TMEM200C: variants seen among roughly 807,000 people sequenced by gnomAD.
TMEM200C encodes the protein transmembrane protein TTMA.
For missense variants in TMEM200C, 966 were observed against 699.9 expected (o/e 1.38, Z -4.29); for synonymous variants, 462 against 324.7 (o/e 1.42, Z -4.55).
At chr18:5,895,164 A>G (rs9989556) in exon 2 of TMEM200C, 113,729 of 151,996 alleles carry the variant, frequency 0.75, 43,617 homozygotes, top group African/African-American at 0.92. Flanking sequence ...TCCGAGCGCG[A>G]CTCAGCAGCC....
rs754206113 is a variant in TMEM200C, at chr18:5,891,991, G to T, written c.73C>A (p.Pro25Thr). 1.1e-5 allele frequency: 18 copies of T among 1,613,974 alleles called. No homozygotes were observed. The highest frequency in any genetic ancestry group is 5.0e-5 in the Admixed American group (3 of 60,020). The stretch of plus-strand genomic sequence containing the variant: ...TTCTTGGCTTTCCGCTTGCGCTTGG[G>T]TATCTGGCTTGGGGGGCGGAGTGGA... The change falls in exon 3 of 3, where the codon CCC becomes ACC. Residue 25 changes from proline to threonine, a missense_variant. Physicochemically the swap from Pro to Thr is conservative, Grantham distance 38 (BLOSUM62 -1). Coordinates refer to ENST00000581347, the Ensembl canonical transcript of TMEM200C. This position sits in a 1 kb window ranked among gnomAD's most constrained non-coding sequence, Gnocchi z 4.7.
chr18:5,893,941 T>A (rs77243246), intron 2 of TMEM200C, among the ~76,000 whole-genome samples: 2 of 152,244 alleles, frequency 1.3e-5, no homozygotes, highest in Non-Finnish European at 2.9e-5. Flanking sequence ...TGTCTATCTC[T>A]AATCCCAAAT....
In TMEM200C at chr18:5,891,860, G is replaced by A. The variant is rs375006622; in HGVS notation, c.204C>T (p.Ala68=). The change falls in exon 3 of 3, where the codon GCC becomes GCT. Residue 68 remains alanine, a synonymous_variant. Transcript: ENST00000581347. This position sits in a 1 kb window ranked among gnomAD's most constrained non-coding sequence, Gnocchi z 4.7. ...TGGGCCAGTAGCCCACCACCGCCAT[G>A]GCTATGCCCACCAGCAGCACCAGGA... 1.1e-5 allele frequency: 18 copies of A among 1,610,216 alleles called. No individual in the cohort carries two copies. The highest frequency in any genetic ancestry group is 6.7e-5 in the Admixed American group (4 of 60,014).
Position 5,890,978 on chromosome 18 carries a change from C to T in TMEM200C, c.1086G>A (p.Trp362Ter), listed in dbSNP as rs1447321602. ...AGGAGCTGGCCGTGCTCTGGCGCCCCCAGCTCTCGGGTGGGCTGCAGGGCG... is the reference window on the plus strand; with the variant it reads ...AGGAGCTGGCCGTGCTCTGGCGCCCTCAGCTCTCGGGTGGGCTGCAGGGCG... The change falls in exon 3 of 3, where the codon TGG becomes TGA. Residue 362 changes from tryptophan to a stop codon, truncating the protein, a stop_gained. Coordinates refer to ENST00000581347, the Ensembl canonical transcript of TMEM200C. LOFTEE classifies it low-confidence loss of function (END_TRUNC). The T allele has an allele frequency of 7.6e-6, 5 of 658,628 alleles. No homozygotes were observed. The highest frequency in any genetic ancestry group is 1.4e-5 in the Non-Finnish European group (5 of 365,308). 40.8% of individuals were successfully genotyped at this position (658,628 alleles called of 1,614,324 possible). A position where few individuals can be genotyped will look rare whatever the true frequency, so the allele number is the denominator to read the frequency against.
chr18:5,882,090 T>G (rs2095162222), exon 3 of TMEM200C: 1 of 152,210 alleles, frequency 6.6e-6, no homozygotes, highest in Non-Finnish European at 1.5e-5. Flanking sequence ...GTAAACCAGT[T>G]TAATTAACAT....
At chr18:5,884,346 T>C (rs1449445559) in exon 3 of TMEM200C, 1 of 152,192 alleles carries the variant, frequency 6.6e-6, no homozygotes, top group Non-Finnish European at 1.5e-5. Flanking sequence ...CCCAGCTTTT[T>C]GTACCTATCT....
chr18:5,890,706 C>G (rs1388785054), exon 3 of TMEM200C: 8 of 515,252 alleles, frequency 1.6e-5, no homozygotes, highest in Non-Finnish European at 2.6e-5. Flanking sequence ...GCCGCCCTGC[C>G]CCCTGGCGGC....
rs750887450 is a variant in TMEM200C, at chr18:5,891,830, G to A, written c.234C>T (p.Ala78=). 1 of 1,606,418 alleles carries A rather than the reference G, an allele frequency of 6.2e-7. No individual in the cohort carries two copies. Among genetic ancestry groups the A allele is most frequent in the African/African-American group, 1.3e-5 (1 of 75,010 alleles). ...TACCCCCCTCCCGATTGGTCCCGGT[G>A]GCCTTGGGCCAGTAGCCCACCACCG... The change falls in exon 3 of 3, where the codon GCC becomes GCT. Residue 78 remains alanine (A), a synonymous_variant. Coordinates refer to ENST00000581347, the Ensembl canonical transcript of TMEM200C. The surrounding 1 kb of genome is among the most constrained non-coding windows in gnomAD (Gnocchi z 4.7).
chr18:5,887,958 G>A (rs1385474003), exon 3 of TMEM200C: 1 of 152,186 alleles, frequency 6.6e-6, no homozygotes, highest in East Asian at 1.9e-4. Context: ...GATATAAACA[G>A]TATTCTGTCC....
chr18:5,890,240 A>T, exon 3 of TMEM200C: 2 of 1,581,040 alleles, frequency 1.3e-6, no homozygotes, highest in Non-Finnish European at 1.7e-6. Context: ...CCCCTATGGC[A>T]TGAGACCTGG....
chr18:5,894,819 C>T (rs1444854370), intron 2 of TMEM200C, among the ~76,000 whole-genome samples: 1 of 152,226 alleles, frequency 6.6e-6, no homozygotes, highest in Non-Finnish European at 1.5e-5. Context: ...GGAAAGAAGA[C>T]AGGCAGGAGC....
intron 1 of TMEM200C, among the ~76,000 whole-genome samples, 139 bp from the exon 1 acceptor site, chr18:5,895,661 T>C (rs2095175572): frequency 6.8e-6 from 1 of 146,698 alleles, no homozygotes; most frequent in Admixed American, 6.7e-5. Flanking sequence ...CCGCCGCCCG[T>C]CCCTTCGGAA....
Position 5,891,456 on chromosome 18 carries a change from A to G in TMEM200C, c.608T>C (p.Leu203Pro). 1 of 1,562,288 alleles carries G rather than the reference A, an allele frequency of 6.4e-7. No homozygotes were observed. The highest frequency in any genetic ancestry group is 8.7e-7 in the Non-Finnish European group (1 of 1,154,024). ...GTGCACGTCGATGACGGTGGAGTAG[A>G]GGTCCCGCAGGTTGATGATTTTGGT... is the stretch of plus-strand genomic sequence containing the variant. Residue 203 changes from leucine to proline, a missense_variant, in exon 3 of 3, where the codon CTC becomes CCC. By Grantham distance (98) the Leu-to-Pro change is moderately conservative. Transcript: ENST00000581347. This position sits in a 1 kb window ranked among gnomAD's most constrained non-coding sequence, Gnocchi z 4.7.
At chr18:5,895,545 CGGCGGAGTCG>C (rs2095175283) in intron 1 of TMEM200C, 23 bp from the exon 1 acceptor site, 1 of 147,400 alleles carries the variant, frequency 6.8e-6, no homozygotes, top group African/African-American at 2.5e-5. Context: ...CCGCCCGGCT[CGGCGGAGTCG>C]GGGGGCGCCC....
exon 3 of TMEM200C, chr18:5,890,201 A>C: frequency 6.5e-7 from 1 of 1,536,158 alleles, no homozygotes; most frequent in Non-Finnish European, 8.8e-7. Context: ...CCTTTCTCTA[A>C]ATGCCTGTGC....
chr18:5,883,919 C>G (rs2095163510), exon 3 of TMEM200C: 1 of 152,048 alleles, frequency 6.6e-6, no homozygotes, highest in Non-Finnish European at 1.5e-5. Context: ...TATAATTCAG[C>G]AAAAATCATT....
exon 3 of TMEM200C, chr18:5,890,339 C>G: frequency 6.2e-7 from 1 of 1,603,408 alleles, no homozygotes; most frequent in Non-Finnish European, 8.5e-7. Flanking sequence ...TGGCACCCTC[C>G]GGCGAGCTCT....
exon 3 of TMEM200C, chr18:5,885,562 A>G (rs1024487112): frequency 1.3e-5 from 2 of 152,192 alleles, no homozygotes; most frequent in Admixed American, 6.5e-5. Context: ...TGTAACTCCT[A>G]CTGTAGTTCA....
chr18:5,883,327 T>C (rs2095163106), exon 3 of TMEM200C: 1 of 152,176 alleles, frequency 6.6e-6, no homozygotes, highest in Non-Finnish European at 1.5e-5. Flanking sequence ...ATAGAATATT[T>C]GTTTTGAAAA....
Sources: gnomAD v4.1 joint callset for allele counts (sites outside exome capture counted in the v4.1 genomes callset) on GRCh38, gnomAD v4.1.1 for gene constraint, Gnocchi (gnomAD v3.1) non-coding constraint, MANE v1.5 for transcripts, NCBI Gene and HGNC (gene_info 2026-07-23, HGNC 2026-07-21) for gene names.